The following PCCA variants were observed in gnomAD, a reference collection of about 807,000 sequenced individuals.
The protein encoded by PCCA is propionyl-CoA carboxylase subunit alpha, also known as propionyl-CoA carboxylase alpha chain, mitochondrial.
A neutral mutation model predicts 101.3 loss-of-function variants in PCCA; 74 were observed. That is an observed-to-expected ratio of 0.73 (90% CI 0.61 to 0.89). The LOEUF (loss-of-function observed/expected upper bound fraction) is 0.89, where lower values mean the gene tolerates loss of function less well. Among genes scored for constraint, PCCA ranks in the 40% least tolerant of loss-of-function variants. The probability of loss-of-function intolerance (pLI) is 0.00; values close to 1 mark genes in which losing one functional copy is unlikely to be tolerated. For synonymous variants in PCCA, 294 were observed against 313.6 expected (o/e 0.94, Z 0.66); for missense variants, 891 against 907.0 (o/e 0.98, Z 0.23).
intron 18 of PCCA, among the ~76,000 whole-genome samples, chr13:100,359,018 A>T (rs978107956): frequency 6.8e-6 from 1 of 147,388 alleles, no homozygotes; most frequent in East Asian, 2.0e-4. Flanking sequence ...AATCACTTGA[A>T]CCTGGGAGCT....
intron 21 of PCCA, among the ~76,000 whole-genome samples, chr13:100,456,842 G>A (rs1388412440): frequency 6.6e-6 from 1 of 152,188 alleles, no homozygotes; most frequent in East Asian, 1.9e-4. Flanking sequence ...ATCACAGGGA[G>A]GGGTTTAGGA....
chr13:100,238,312 T>C (rs1594873037), intron 8 of PCCA, among the ~76,000 whole-genome samples: 2 of 152,288 alleles, frequency 1.3e-5, no homozygotes, highest in Middle Eastern at 6.8e-3. Flanking sequence ...GTCTAACTAG[T>C]TCTCATCACT....
intron 21 of PCCA, among the ~76,000 whole-genome samples, chr13:100,487,018 A>G (rs754678072): frequency 2.0e-5 from 3 of 152,226 alleles, no homozygotes; most frequent in Non-Finnish European, 4.4e-5. Flanking sequence ...TTATGTTAGC[A>G]TCTGATATTT....
intron 20 of PCCA, among the ~76,000 whole-genome samples, chr13:100,432,136 C>T (rs2079599066): frequency 6.6e-6 from 1 of 151,086 alleles, no homozygotes; most frequent in East Asian, 2.0e-4. Flanking sequence ...CAAAGCAAGA[C>T]TCCATCTCAA....
At chr13:100,503,720 A>C (rs1451574181) in intron 21 of PCCA, among the ~76,000 whole-genome samples, 1 of 152,098 alleles carries the variant, frequency 6.6e-6, no homozygotes, top group Non-Finnish European at 1.5e-5. Flanking sequence ...CCTGGGCAAC[A>C]TGGCAAAACT....
intron 6 of PCCA, among the ~76,000 whole-genome samples, chr13:100,159,910 CT>C (rs1165783531): frequency 1.3e-5 from 2 of 152,196 alleles, no homozygotes; most frequent in Non-Finnish European, 2.9e-5. Context: ...CTAGATCCTT[CT>C]GTTGAGAAGT....
In PCCA at chr13:100,384,668, T is replaced by G. The variant is rs188479788; in HGVS notation, c.1746+16094T>G. ...TAGAACATTATTATATGTATTCTTT[T>G]GCCTCTATTGTCAGTTTTTAGGATA... is the stretch of plus-strand genomic sequence containing the variant. On this transcript the variant is annotated intron_variant, in intron 19 of 23. Transcript: ENST00000376285. Among the ~76,000 whole-genome samples, 157 of 152,306 alleles carry G rather than the reference T, an allele frequency of 1.0e-3. 2 individuals carry two copies. The highest frequency in any genetic ancestry group is 2.3e-3 in the South Asian group (11 of 4,828).
Position 100,102,865 on chromosome 13 carries a change from G to T in PCCA, c.106-18G>T. On this transcript the variant is annotated intron_variant, in intron 1 of 23. Transcript: ENST00000376285. ...CCATCAAGTATTTGCAATTTATTTT[G>T]CTTTCCTTTTTTTGTAGCATGTTCT... The T allele has an allele frequency of 6.3e-7, 1 of 1,585,430 alleles. No individual in the cohort carries two copies. Among genetic ancestry groups the T allele is most frequent in the Non-Finnish European group, 8.7e-7 (1 of 1,154,120 alleles).
intron 4 of PCCA, among the ~76,000 whole-genome samples, chr13:100,130,324 T>G (rs1208589644): frequency 1.4e-4 from 21 of 152,212 alleles, no homozygotes; most frequent in Non-Finnish European, 1.2e-4. Context: ...AGGGAAAAGT[T>G]TAGTAGGCAT....
chr13:100,248,080 GTC>G (rs150371816), intron 8 of PCCA, among the ~76,000 whole-genome samples: 15,912 of 151,976 alleles, frequency 0.1, 922 homozygotes, highest in Non-Finnish European at 0.13. Context: ...TTTTAGGTGT[GTC>G]TCTTGTAAGT....
In PCCA at chr13:100,530,132, T is replaced by C. The variant is rs2088294559; in HGVS notation, c.2153T>C (p.Val718Ala). The change falls in exon 24 of 24, where the codon GTT (valine) becomes GCT (alanine). Residue 718 changes from valine (V) to alanine (A), a missense_variant. Physicochemically the swap from Val to Ala is moderately conservative, Grantham distance 64. Transcript: ENST00000376285. ...KSVHCQAGDT[V>A]GEGDLLVELE ...GTGCACTGTCAAGCTGGAGACACAGTTGGAGAAGGGGATCTGCTCGTGGAG... is the reference window on the plus strand; with the variant it reads ...GTGCACTGTCAAGCTGGAGACACAGCTGGAGAAGGGGATCTGCTCGTGGAG... 3.7e-6 allele frequency: 6 copies of C among 1,614,028 alleles called. No individual in the cohort carries two copies. Among genetic ancestry groups the C allele is most frequent in the South Asian group, 1.1e-5 (1 of 91,064 alleles).
chr13:100,109,025 G>A (rs2048064648), intron 2 of PCCA, among the ~76,000 whole-genome samples: 1 of 152,146 alleles, frequency 6.6e-6, no homozygotes, highest in Non-Finnish European at 1.5e-5. Flanking sequence ...TGTGTCAGGT[G>A]CAGGTATTTG....
At chr13:100,354,074 AAATAATAAT>A (rs35218503) in intron 18 of PCCA, among the ~76,000 whole-genome samples, 11,481 of 129,038 alleles carry the variant, frequency 0.089, 528 homozygotes, top group Middle Eastern at 0.18. Flanking sequence ...CCATCTCTAC[AAATAATAAT>A]AATAATAATA....
intron 4 of PCCA, among the ~76,000 whole-genome samples, chr13:100,143,953 A>C (rs140361194): frequency 6.7e-6 from 1 of 148,832 alleles, no homozygotes. Flanking sequence ...TTTTGTAGAG[A>C]TGGGGCCTCT....
intron 6 of PCCA, among the ~76,000 whole-genome samples, chr13:100,171,264 A>G (rs762204801): frequency 1.3e-5 from 2 of 152,254 alleles, no homozygotes; most frequent in African/African-American, 4.8e-5. Context: ...TAATTTTAAC[A>G]TGGTAAATAT....
chr13:100,484,789 C>T (rs1461246030), intron 21 of PCCA, among the ~76,000 whole-genome samples: 1 of 152,148 alleles, frequency 6.6e-6, no homozygotes, highest in African/African-American at 2.4e-5. Flanking sequence ...GAGCCAGTCA[C>T]CTGGGCAGCT....
At chr13:100,118,659 C>T (rs1234141943) in intron 4 of PCCA, among the ~76,000 whole-genome samples, 1 of 152,018 alleles carries the variant, frequency 6.6e-6, no homozygotes, top group Non-Finnish European at 1.5e-5. Flanking sequence ...AGCGATCCTC[C>T]CACCTTAGTT....
chr13:100,295,185 G>A (rs895931675), intron 12 of PCCA, among the ~76,000 whole-genome samples: 21 of 152,124 alleles, frequency 1.4e-4, no homozygotes, highest in African/African-American at 3.9e-4. Flanking sequence ...ATTCTGTTCC[G>A]TGAACAGAAA....
intron 20 of PCCA, among the ~76,000 whole-genome samples, chr13:100,429,924 C>G (rs1336683948): frequency 6.6e-6 from 1 of 151,612 alleles, no homozygotes; most frequent in African/African-American, 2.4e-5. Context: ...TTTATTATAT[C>G]TATATAAAAG....
Sources: allele counts gnomAD v4.1 joint callset (sites outside exome capture counted in the v4.1 genomes callset), GRCh38; gene constraint gnomAD v4.1.1; transcripts MANE v1.5; gene names NCBI Gene and HGNC (gene_info 2026-07-23, HGNC 2026-07-21).